The following IL21 variants were observed in gnomAD, a reference collection of about 807,000 sequenced individuals.
The protein encoded by IL21 is interleukin-21.
Under a neutral mutation model 18.4 loss-of-function variants are expected in IL21, and 3 were observed. The ratio of observed to expected loss-of-function variants is 0.16; its 90% CI spans 0.07 to 0.42. IL21 has a LOEUF of 0.42. Among genes scored for constraint, IL21 ranks in the 10% least tolerant of loss-of-function variants. The pLI, the probability that IL21 is intolerant of heterozygous loss-of-function variation, is 0.99. For missense variants in IL21, 130 were observed against 188.4 expected, an observed-to-expected ratio of 0.69 and a Z score of 1.81; for synonymous variants, 37 against 62.0, an observed-to-expected ratio of 0.60 and a Z score of 1.90.
Position 122,611,366 on chromosome 4 carries a change from T to A in IL21, c.*1344A>T, listed in dbSNP as rs1799262307. Among the ~76,000 whole-genome samples, 1 of 152,350 alleles carries A rather than the reference T, an allele frequency of 6.6e-6. No homozygotes were observed. The highest frequency in any genetic ancestry group is 1.9e-4 in the East Asian group (1 of 5,194). ...TAATTCTCAATATATCTTTTAGAAC[T>A]GTAGGTTAAGTCTGTATTTGTTTTA... is the stretch of plus-strand genomic sequence containing the variant. On this transcript the variant is annotated 3_prime_UTR_variant, in exon 5 of 5. Coordinates refer to ENST00000648588, the MANE Select transcript of IL21 (RefSeq NM_021803.4).
In IL21 at chr4:122,615,929, A is replaced by G. The variant is rs1015870614; in HGVS notation, c.205-92T>C. On this transcript the variant is annotated intron_variant, in intron 2 of 4. Coordinates refer to ENST00000648588, the MANE Select transcript of IL21 (RefSeq NM_021803.4). ...AATCCTCTATTTCTATCTCTTCTGC[A>G]ATGTCGTGCATTACATCGTTTCAAC... is the stretch of plus-strand genomic sequence containing the variant. 10 of 1,058,928 alleles carry G rather than the reference A, an allele frequency of 9.4e-6. No individual in the cohort carries two copies. The African/African-American group carries it at 1.3e-4, about 14-fold the overall frequency. The allele number at this position is 1,058,928 out of a possible 1,614,324, so 65.6% of individuals were successfully genotyped here.
rs1295758922 is a variant in IL21 at position 122,612,349 on chromosome 4, A to G, written c.*361T>C. ...ATTATCAGCTGGAATGAAGGTATAT[A>G]TGTTTTAAGTTATGATCATAATAGA... On this transcript the variant is annotated 3_prime_UTR_variant, in exon 5 of 5. Transcript: ENST00000648588. Among the ~76,000 whole-genome samples, 1 of 152,042 alleles carries G rather than the reference A, an allele frequency of 6.6e-6. No individual in the cohort carries two copies. Among genetic ancestry groups the G allele is most frequent in the Admixed American group, 6.6e-5 (1 of 15,252 alleles).
rs557825002 is a variant in IL21 at position 122,615,999 on chromosome 4, G to T, written c.205-162C>A. Among the ~76,000 whole-genome samples the T allele has an allele frequency of 4.6e-5, 7 of 152,346 alleles. No individual in the cohort carries two copies. In the South Asian group the frequency reaches 1.4e-3, roughly 32 times the overall value. ...TCACCTCCTACTTAATCTTTGGGAT[G>T]GGAAAAAGGGACAATCCCCTGCTTC... is the stretch of plus-strand genomic sequence containing the variant. On this transcript the variant is annotated intron_variant, in intron 2 of 4. Transcript: ENST00000648588.
At chr4:122,617,240 A>G (rs1015127384) in intron 2 of IL21, among the ~76,000 whole-genome samples, 4 of 152,194 alleles carry the variant, frequency 2.6e-5, no homozygotes, top group Admixed American at 1.3e-4. Context: ...AATAGAAACT[A>G]TTTATAAATG....
intron 2 of IL21, among the ~76,000 whole-genome samples, chr4:122,618,567 G>A (rs1799373830): frequency 6.6e-6 from 1 of 152,098 alleles, no homozygotes; most frequent in African/African-American, 2.4e-5. Flanking sequence ...AGCACTTTGG[G>A]AGGCCAAGGC....
chr4:122,615,296 C>T (rs1341731974), intron 3 of IL21, among the ~76,000 whole-genome samples: 5 of 152,124 alleles, frequency 3.3e-5, no homozygotes, highest in African/African-American at 9.7e-5. Flanking sequence ...CCAAGGCGGG[C>T]GGATCACGGG....
chr4:122,620,802 A>T (rs1366726153), intron 1 of IL21, 42 bp downstream of exon 1: 1 of 1,611,816 alleles, frequency 6.2e-7, no homozygotes, highest in Admixed American at 1.7e-5. Flanking sequence ...ATATTAATTG[A>T]AAAGTATGAT....
At chr4:122,618,231 T>C (rs1232580825) in intron 2 of IL21, among the ~76,000 whole-genome samples, 3 of 151,886 alleles carry the variant, frequency 2.0e-5, no homozygotes, top group Non-Finnish European at 4.4e-5. Context: ...GAGTCACACT[T>C]GGCTTTGTTG....
intron 3 of IL21, among the ~76,000 whole-genome samples, chr4:122,613,316 T>TA (rs1305883687): frequency 6.6e-5 from 10 of 151,606 alleles, no homozygotes; most frequent in Non-Finnish European, 8.8e-5. Flanking sequence ...ATGCAACTCT[T>TA]ACTATTTTTG....
Position 122,610,408 on chromosome 4 carries a change from C to CT in IL21, c.*2301dup, listed in dbSNP as rs79834564. Reference sequence around the variant, plus strand: ...CTTTTCTCCCCTCCTTCCTTCCTTCCTTTTTTTTCTTGGAATATGTCCCTT... The same window carrying CT: ...CTTTTCTCCCCTCCTTCCTTCCTTCCTTTTTTTTTCTTGGAATATGTCCCTT... On this transcript the variant is annotated 3_prime_UTR_variant, in exon 5 of 5. Transcript: ENST00000648588. Among the ~76,000 whole-genome samples the CT allele has an allele frequency of 2.6e-5, 4 of 151,872 alleles. No individual in the cohort carries two copies. Among genetic ancestry groups the CT allele is most frequent in the South Asian group, 2.1e-4 (1 of 4,800 alleles).
intron 2 of IL21, among the ~76,000 whole-genome samples, chr4:122,616,975 T>C (rs17881555): frequency 0.061 from 9,354 of 152,228 alleles, 370 homozygotes; most frequent in Middle Eastern, 0.082. Flanking sequence ...TACGTAACAA[T>C]ATTACCTGAA....
intron 3 of IL21, among the ~76,000 whole-genome samples, chr4:122,613,916 A>G (rs966865428): frequency 6.6e-6 from 1 of 152,212 alleles, no homozygotes; most frequent in African/African-American, 2.4e-5. Flanking sequence ...TGTGATTACT[A>G]GGGAGATTGA....
Position 122,619,455 on chromosome 4 carries a change from G to T in IL21, c.204+1246C>A, listed in dbSNP as rs574769879. The T allele has an allele frequency of 2.6e-5, 4 of 152,228 alleles. No individual in the cohort carries two copies. The South Asian group carries it at 8.3e-4, about 32-fold the overall frequency. The allele number at this position is 152,228 out of a possible 1,614,324, so 9.4% of individuals were successfully genotyped here. On this transcript the variant is annotated intron_variant, in intron 2 of 4. Transcript: ENST00000648588. ...AAAATATCTTTCATTAACAACACAC[G>T]TAAAGGAAGTACCCACTGGACCAAC...
intron 4 of IL21, 36 bp downstream of exon 4, chr4:122,612,815 T>A (rs201602674): frequency 6.2e-7 from 1 of 1,612,680 alleles, no homozygotes; most frequent in African/African-American, 1.3e-5. Context: ...TAGGTAAAGA[T>A]AAAGCAGAAA....
At chr4:122,616,510 A>G (rs1367221931) in intron 2 of IL21, among the ~76,000 whole-genome samples, 1 of 152,182 alleles carries the variant, frequency 6.6e-6, no homozygotes, top group Admixed American at 6.5e-5. Context: ...TCATACTCCC[A>G]GCTCAGTTAG....
chr4:122,620,044 C>G (rs895254888), intron 2 of IL21: 7 of 152,208 alleles, frequency 4.6e-5, no homozygotes, highest in Admixed American at 6.5e-5. Context: ...AACTACATGC[C>G]AGGCCTCTTC....
intron 2 of IL21, among the ~76,000 whole-genome samples, chr4:122,618,139 G>A (rs1226363152): frequency 6.6e-6 from 1 of 152,188 alleles, no homozygotes; most frequent in Non-Finnish European, 1.5e-5. Flanking sequence ...CAGACTAGAA[G>A]GAGCGGTAGT....
At chr4:122,614,642 G>A (rs1470085875) in intron 3 of IL21, among the ~76,000 whole-genome samples, 1 of 152,082 alleles carries the variant, frequency 6.6e-6, no homozygotes, top group African/African-American at 2.4e-5. Context: ...GGAGGTGGAA[G>A]CTGCAGTGAG....
At chr4:122,618,424 C>T (rs895493593) in intron 2 of IL21, among the ~76,000 whole-genome samples, 10 of 152,084 alleles carry the variant, frequency 6.6e-5, no homozygotes, top group African/African-American at 2.4e-4. Context: ...AGCCACTTCA[C>T]CCAGCTGAGG....
Sources: gnomAD v4.1 joint callset for allele counts (sites outside exome capture counted in the v4.1 genomes callset) on GRCh38, gnomAD v4.1.1 for gene constraint, MANE v1.5 for transcripts, NCBI Gene and HGNC (gene_info 2026-07-23, HGNC 2026-07-21) for gene names.